The following TGFBRAP1 variants were observed in gnomAD, a reference collection of about 807,000 sequenced individuals.
The protein encoded by TGFBRAP1 is transforming growth factor-beta receptor-associated protein 1.
TGFBRAP1 carries 20 observed loss-of-function variants against 83.2 expected under a neutral mutation model. The ratio of observed to expected loss-of-function variants is 0.24; its 90% confidence interval spans 0.17 to 0.35. TGFBRAP1 has a LOEUF of 0.35. TGFBRAP1 is among the 10% of genes least tolerant of loss of function. TGFBRAP1 has a pLI of 1.00. For synonymous variants in TGFBRAP1, 415 were observed against 459.8 expected (o/e 0.90, Z 1.25); for missense variants, 950 against 1,099.4 (o/e 0.86, Z 1.92).
At chr2:105,285,354 C>T (rs1168121921) in intron 4 of TGFBRAP1, among the ~76,000 whole-genome samples, 1 of 152,228 alleles carries the variant, frequency 6.6e-6, no homozygotes, top group Non-Finnish European at 1.5e-5. Context: ...TACTGATCAA[C>T]TCTCTGATCC....
intron 6 of TGFBRAP1, 87 bp from the exon 7 acceptor site, chr2:105,277,758 C>T: frequency 8.1e-7 from 1 of 1,240,340 alleles, no homozygotes; most frequent in Non-Finnish European, 1.2e-6. Context: ...AGTCCAAGCT[C>T]CCCATATTCT....
At chr2:105,307,016 G>A (rs1312705020) in intron 2 of TGFBRAP1, among the ~76,000 whole-genome samples, 1 of 152,190 alleles carries the variant, frequency 6.6e-6, no homozygotes, top group African/African-American at 2.4e-5. Context: ...GTAAGAGAGG[G>A]TCCCACAAGC....
In TGFBRAP1 at chr2:105,269,550, G is replaced by A. The variant is rs1024913487; in HGVS notation, c.2128C>T (p.Pro710Ser). ...CLWCSEGRDP[P>S]HRQQLFHTLL... ...GTGTGAAAGAGTTGCTGGCGGTGGG[G>A]TGGGTCTCGGCCCTCGGAGCACCAC... is the stretch of plus-strand genomic sequence containing the variant. The change falls in exon 11 of 12, where the codon CCC becomes TCC. Residue 710 changes from proline to serine, a missense_variant. By Grantham distance (74) the Pro-to-Ser change is moderately conservative. Coordinates refer to ENST00000393359, the MANE Select transcript of TGFBRAP1 (RefSeq NM_004257.6). The surrounding 1 kb of genome is among the most constrained non-coding windows in gnomAD (Gnocchi z 4.1). 1.9e-6 allele frequency: 3 copies of A among 1,612,036 alleles called. No individual in the cohort carries two copies. The highest frequency in any genetic ancestry group is 2.5e-6 in the Non-Finnish European group (3 of 1,178,802).
intron 11 of TGFBRAP1, 114 bp from the exon 12 acceptor site, chr2:105,267,673 G>T: frequency 6.7e-7 from 1 of 1,503,070 alleles, no homozygotes. Context: ...TTATTATGAT[G>T]AGGATTTCTT....
At chr2:105,325,342 C>T (rs1053946013) in intron 1 of TGFBRAP1, among the ~76,000 whole-genome samples, 20 of 152,156 alleles carry the variant, frequency 1.3e-4, no homozygotes, top group African/African-American at 4.1e-4. Flanking sequence ...ATTATCCTTT[C>T]GTTCTTACCT....
chr2:105,313,037 G>A (rs571662706), intron 1 of TGFBRAP1, among the ~76,000 whole-genome samples: 7 of 152,168 alleles, frequency 4.6e-5, no homozygotes, highest in African/African-American at 7.2e-5. Context: ...ACTTGAACCC[G>A]GGAAGCGGAG....
intron 2 of TGFBRAP1, among the ~76,000 whole-genome samples, chr2:105,299,722 C>G (rs912722532): frequency 1.3e-4 from 20 of 152,062 alleles, no homozygotes; most frequent in South Asian, 8.3e-4. Flanking sequence ...TAGTGAGACC[C>G]CACCTCAAAA....
intron 10 of TGFBRAP1, among the ~76,000 whole-genome samples, chr2:105,271,701 A>G (rs1049437284): frequency 4.6e-5 from 7 of 152,162 alleles, no homozygotes; most frequent in Non-Finnish European, 8.8e-5. Flanking sequence ...CAGCGTTTCA[A>G]CCTATGCTGG....
At chr2:105,268,749 A>T (rs192137041) in intron 11 of TGFBRAP1, among the ~76,000 whole-genome samples, 9 of 152,356 alleles carry the variant, frequency 5.9e-5, no homozygotes, top group African/African-American at 1.9e-4. Context: ...TTAGGCCCAC[A>T]AGAAAGAAGT....
rs952787077 is a variant in TGFBRAP1 at position 105,272,413 on chromosome 2, A to C, written c.1972+442T>G. Among the ~76,000 whole-genome samples, 5 of 152,238 alleles carry C rather than the reference A, an allele frequency of 3.3e-5. No individual in the cohort carries two copies. In the South Asian group the frequency reaches 1.0e-3, roughly 32 times the overall value. On this transcript the variant is annotated intron_variant, in intron 10 of 11. Coordinates refer to ENST00000393359, the MANE Select transcript of TGFBRAP1 (RefSeq NM_004257.6). ...GAGGGAACTATGACTCAGTGCTTTG[A>C]CATTGAATAAAGACACTGTGTGTCA... is the stretch of plus-strand genomic sequence containing the variant.
intron 1 of TGFBRAP1, among the ~76,000 whole-genome samples, chr2:105,315,929 CA>C (rs1678840763): frequency 1.3e-5 from 2 of 151,860 alleles, no homozygotes. Context: ...TCATATTACC[CA>C]AAAAAAGGGA....
the TGFBRAP1 span, among the ~76,000 whole-genome samples, chr2:105,252,751 C>CTTTTTTT: frequency 8.8e-6 from 1 of 113,336 alleles, no homozygotes; most frequent in African/African-American, 3.5e-5. Context: ...ATATTAACAT[C>CTTTTTTT]TTTTTTTTTT....
In TGFBRAP1 at chr2:105,278,850, T is replaced by C. The variant is rs148355362; in HGVS notation, c.1464-1179A>G. On this transcript the variant is annotated intron_variant, in intron 6 of 11. Coordinates refer to ENST00000393359, the MANE Select transcript of TGFBRAP1 (RefSeq NM_004257.6). ...ATCCCACCATCCCTTGTCACTACCA[T>C]AAGGTGGCAGTGTGTTTTCTGGCTC... Among the ~76,000 whole-genome samples, 1,251 of 152,134 alleles carry C rather than the reference T, an allele frequency of 8.2e-3. 7 individuals are homozygous for C. The highest frequency in any genetic ancestry group is 0.014 in the Non-Finnish European group (963 of 67,982).
In TGFBRAP1 at chr2:105,267,165, GTTTTCCAT is replaced by G; in HGVS notation, c.*210_*217del. On this transcript the variant is annotated 3_prime_UTR_variant, in exon 12 of 12. Transcript: ENST00000393359. The stretch of plus-strand genomic sequence containing the variant: ...GTTTCTGTTTTGGGGATTTTTAGGG[GTTTTCCAT>G]GTACATTCATAGAGCCTGGTCATTC... 3 of 505,040 alleles carry G rather than the reference GTTTTCCAT, an allele frequency of 5.9e-6. No individual in the cohort carries two copies. Among genetic ancestry groups the G allele is most frequent in the South Asian group, 3.5e-5 (1 of 28,864 alleles). The allele number at this position is 505,040 out of a possible 1,614,324, so 31.3% of individuals were successfully genotyped here.
chr2:105,270,609 G>T (rs1677121620), intron 10 of TGFBRAP1, among the ~76,000 whole-genome samples: 1 of 152,208 alleles, frequency 6.6e-6, no homozygotes, highest in African/African-American at 2.4e-5. Flanking sequence ...CAAATTATAG[G>T]CATTTGAATC....
At chr2:105,281,740 C>T (rs575786825) in intron 5 of TGFBRAP1, among the ~76,000 whole-genome samples, 9 of 152,310 alleles carry the variant, frequency 5.9e-5, no homozygotes, top group Admixed American at 1.3e-4. Flanking sequence ...ACTTATGTTG[C>T]CAGTTTGTAC....
chr2:105,310,183 G>A (rs115207050), intron 1 of TGFBRAP1, among the ~76,000 whole-genome samples: 2,923 of 152,224 alleles, frequency 0.019, 97 homozygotes, highest in African/African-American at 0.066. Flanking sequence ...ATTGTTGGAC[G>A]ATTAAGTAAG....
intron 1 of TGFBRAP1, among the ~76,000 whole-genome samples, chr2:105,310,823 C>T (rs936405767): frequency 1.3e-5 from 2 of 152,008 alleles, no homozygotes; most frequent in African/African-American, 4.8e-5. Flanking sequence ...TGAAGTAATA[C>T]AAAATACTTC....
At chr2:105,296,559 CA>C (rs761744192) in intron 3 of TGFBRAP1, 49 bp from the exon 4 acceptor site, 8 of 1,569,662 alleles carry the variant, frequency 5.1e-6, no homozygotes, top group South Asian at 2.4e-5. Flanking sequence ...ACACTGCCTG[CA>C]AAAAAACACA....
Sources: gnomAD v4.1 joint callset for allele counts (sites outside exome capture counted in the v4.1 genomes callset) on GRCh38, gnomAD v4.1.1 for gene constraint, Gnocchi (gnomAD v3.1) non-coding constraint, MANE v1.5 for transcripts, NCBI Gene and HGNC (gene_info 2026-07-23, HGNC 2026-07-21) for gene names.